PDZRN3: variants seen among roughly 807,000 people sequenced by gnomAD.
The protein encoded by PDZRN3 is PDZ domain containing ring finger 3, also known as E3 ubiquitin-protein ligase PDZRN3.
Under a neutral mutation model 85.7 loss-of-function variants are expected in PDZRN3, and 38 were observed. The observed-to-expected ratio is 0.44, with a 90% CI of 0.34 to 0.58. The LOEUF is 0.58. Ranked by LOEUF, PDZRN3 falls within the 20% of genes least tolerant of loss-of-function variation. PDZRN3 has a pLI of 0.01. For missense variants in PDZRN3, 1,629 were observed against 1,506.4 expected, an observed-to-expected ratio of 1.08 and a Z score of -1.35; for synonymous variants, 759 against 638.0, an observed-to-expected ratio of 1.19 and a Z score of -2.86.
At chr3:73,600,328 C>T (rs1345283738) in intron 3 of PDZRN3, among the ~76,000 whole-genome samples, 1 of 108,976 alleles carries the variant, frequency 9.2e-6, no homozygotes, top group East Asian at 2.9e-4. Context: ...CACACACACA[C>T]ACACACACAC....
At chr3:73,521,346 G>A (rs1368019088) in intron 3 of PDZRN3, among the ~76,000 whole-genome samples, 3 of 152,118 alleles carry the variant, frequency 2.0e-5, no homozygotes, top group Non-Finnish European at 1.5e-5. Context: ...GGAAAGCTTT[G>A]CCAAGCTTCA....
intron 1 of PDZRN3, among the ~76,000 whole-genome samples, chr3:73,610,369 C>G (rs1312561738): frequency 1.3e-5 from 2 of 152,170 alleles, no homozygotes; most frequent in African/African-American, 4.8e-5. Flanking sequence ...TTCTGACAAA[C>G]AGCACCACCA....
At chr3:73,457,470 G>C (rs993549399) in intron 3 of PDZRN3, among the ~76,000 whole-genome samples, 1 of 152,018 alleles carries the variant, frequency 6.6e-6, no homozygotes, top group Admixed American at 6.6e-5. Context: ...GCCCAATATG[G>C]GTTTGTTGGG....
chr3:73,433,138 C>T (rs1702464942), intron 3 of PDZRN3, among the ~76,000 whole-genome samples: 1 of 152,176 alleles, frequency 6.6e-6, no homozygotes, highest in Non-Finnish European at 1.5e-5. Context: ...ACAGAAATGG[C>T]AAGTGAGAAG....
chr3:73,397,443 G>A (rs1260929259), intron 5 of PDZRN3, among the ~76,000 whole-genome samples: 1 of 152,164 alleles, frequency 6.6e-6, no homozygotes, highest in Non-Finnish European at 1.5e-5. Context: ...GGCAGACTGC[G>A]ACTGTTCTAA....
intron 3 of PDZRN3, among the ~76,000 whole-genome samples, chr3:73,487,822 C>T (rs191562862): frequency 5.3e-5 from 8 of 152,294 alleles, no homozygotes; most frequent in African/African-American, 1.2e-4. Flanking sequence ...TTGCCAGAAG[C>T]GGGGCCTTTG....
At chr3:73,494,982 G>A (rs1419604793) in intron 3 of PDZRN3, among the ~76,000 whole-genome samples, 2 of 152,118 alleles carry the variant, frequency 1.3e-5, no homozygotes, top group Non-Finnish European at 2.9e-5. Flanking sequence ...GGGTACTCGT[G>A]GACATAAACA....
At position 73,385,663 on chromosome 3, in the gene PDZRN3, C is replaced by T. The variant is rs751518592; in HGVS notation, c.1635+6G>A. ...AGAGTGTCAGGGACTGGTGCGTGGG[C>T]GTTACCTGCTGCAGCACGCTAGCTG... On this transcript the variant is annotated splice_donor_region_variant and intron_variant, in intron 9 of 9. Coordinates refer to ENST00000263666, the MANE Select transcript of PDZRN3 (RefSeq NM_015009.3). 15 of 1,559,528 alleles carry T rather than the reference C, an allele frequency of 9.6e-6. No homozygotes were observed. In the Admixed American group the frequency reaches 1.5e-4, roughly 16 times the overall value.
intron 3 of PDZRN3, chr3:73,474,367 ACTG>A: frequency 1.4e-6 from 1 of 709,046 alleles, no homozygotes. Flanking sequence ...TCTAAAGCAA[ACTG>A]CTATCGGTGG....
chr3:73,513,456 G>C (rs886686929), intron 3 of PDZRN3, among the ~76,000 whole-genome samples: 3 of 152,180 alleles, frequency 2.0e-5, no homozygotes, highest in African/African-American at 7.2e-5. Flanking sequence ...TCAGGCAGCA[G>C]ATGCTCAGCC....
chr3:73,433,246 T>G (rs1702466989), intron 3 of PDZRN3, among the ~76,000 whole-genome samples: 1 of 152,250 alleles, frequency 6.6e-6, no homozygotes, highest in Admixed American at 6.5e-5. Context: ...TATAACTATT[T>G]GTAAACACAG....
chr3:73,556,395 T>G (rs1052489530), intron 3 of PDZRN3, among the ~76,000 whole-genome samples: 12 of 152,076 alleles, frequency 7.9e-5, no homozygotes, highest in Admixed American at 7.2e-4. Flanking sequence ...GAAAACACAC[T>G]GCTATCTCAC....
chr3:73,455,763 T>C (rs1473095678), intron 3 of PDZRN3, among the ~76,000 whole-genome samples: 1 of 152,124 alleles, frequency 6.6e-6, no homozygotes, highest in African/African-American at 2.4e-5. Flanking sequence ...TGCATTTAGG[T>C]TTTTCAAATA....
intron 3 of PDZRN3, among the ~76,000 whole-genome samples, chr3:73,555,106 T>TCAC (rs1701663546): frequency 7.2e-5 from 11 of 152,202 alleles, no homozygotes. Context: ...TTAGGGGATT[T>TCAC]ATAGCCAATG....
intron 3 of PDZRN3, among the ~76,000 whole-genome samples, chr3:73,541,261 T>C (rs189985115): frequency 1.3e-5 from 2 of 152,324 alleles, no homozygotes; most frequent in Non-Finnish European, 1.5e-5. Flanking sequence ...GTCCAACATG[T>C]TCACTGTAGA....
chr3:73,449,078 AC>A, intron 3 of PDZRN3, among the ~76,000 whole-genome samples: 1 of 152,256 alleles, frequency 6.6e-6, no homozygotes. Context: ...GGAAGAAATC[AC>A]AGATAATTAA....
At chr3:73,584,491 GTGTGTGTGTA>G (rs1258152074) in intron 3 of PDZRN3, among the ~76,000 whole-genome samples, 329 of 18,416 alleles carry the variant, frequency 0.018, 5 homozygotes, top group African/African-American at 0.03. Flanking sequence ...GTGTGTGTGT[GTGTGTGTGTA>G]TGCATATGCG....
In PDZRN3 at chr3:73,424,541, CAAAAAAAAAAA is replaced by C. The variant is rs34550639; in HGVS notation, c.919-20157_919-20147del. On this transcript the variant is annotated intron_variant, in intron 3 of 9. Transcript: ENST00000263666. ...TGGGAGACAGAGTGAGACTCCATCT[CAAAAAAAAAAA>C]AAAAAAAAAAAAGAATATGCAAAGA... Among the ~76,000 whole-genome samples the C allele has an allele frequency of 2.6e-4, 14 of 54,236 alleles. No homozygotes were observed. In the East Asian group the frequency reaches 7.2e-3, roughly 28 times the overall value. The allele number at this position is 54,236 out of a possible 152,430, so 35.6% of individuals were successfully genotyped here.
chr3:73,525,711 G>C (rs532237804), intron 3 of PDZRN3, among the ~76,000 whole-genome samples: 4 of 152,134 alleles, frequency 2.6e-5, no homozygotes, highest in Admixed American at 2.6e-4. Flanking sequence ...GCTCACACAT[G>C]GTGGTCCCCC....
Sources: gnomAD v4.1 joint callset for allele counts (sites outside exome capture counted in the v4.1 genomes callset) on GRCh38, gnomAD v4.1.1 for gene constraint, MANE v1.5 for transcripts, NCBI Gene and HGNC (gene_info 2026-07-23, HGNC 2026-07-21) for gene names.